The following ASTN2 variants were observed in gnomAD, a reference collection of about 807,000 sequenced individuals.
The protein encoded by ASTN2 is astrotactin-2.
In ASTN2, 54 loss-of-function variants were observed where a neutral mutation model predicts 139.8. The ratio of observed to expected loss-of-function variants is 0.39; its 90% CI spans 0.31 to 0.48. ASTN2 has a LOEUF of 0.48. Among genes scored for constraint, ASTN2 ranks in the 20% least tolerant of loss-of-function variants. The pLI, the probability that ASTN2 is intolerant of heterozygous loss-of-function variation, is 0.95. For missense variants in ASTN2, 1,565 were observed against 1,725.1 expected, an observed-to-expected ratio of 0.91 and a Z score of 1.64; for synonymous variants, 756 against 719.5, an observed-to-expected ratio of 1.05 and a Z score of -0.81.
At chr9:116,794,821 G>A (rs528367699) in intron 13 of ASTN2, among the ~76,000 whole-genome samples, 2 of 152,302 alleles carry the variant, frequency 1.3e-5, no homozygotes, top group East Asian at 3.9e-4. Context: ...GTGATAATAG[G>A]GGAAGAAAAT....
intron 20 of ASTN2, among the ~76,000 whole-genome samples, chr9:116,477,756 C>G (rs1229121956): frequency 2.0e-5 from 3 of 149,606 alleles, no homozygotes; most frequent in Non-Finnish European, 1.5e-5. Flanking sequence ...CACGGTGGCT[C>G]ACGCCTGTAA....
intron 19 of ASTN2, among the ~76,000 whole-genome samples, chr9:116,587,192 C>T (rs975285801): frequency 3.3e-5 from 5 of 151,720 alleles, no homozygotes; most frequent in African/African-American, 1.2e-4. Flanking sequence ...AATACAAAAA[C>T]TAGCTGGGTG....
chr9:116,731,580 C>G (rs1828786150), intron 14 of ASTN2, among the ~76,000 whole-genome samples: 1 of 152,002 alleles, frequency 6.6e-6, no homozygotes. Flanking sequence ...CCACCACCAC[C>G]CCTGGCTAAT....
At chr9:117,174,272 A>G (rs1055374683) in intron 3 of ASTN2, among the ~76,000 whole-genome samples, 2 of 151,990 alleles carry the variant, frequency 1.3e-5, no homozygotes, top group African/African-American at 2.4e-5. Context: ...AACAAATAAT[A>G]TTAAACAACA....
intron 10 of ASTN2, among the ~76,000 whole-genome samples, chr9:116,881,884 T>C (rs1305953935): frequency 1.3e-5 from 2 of 152,206 alleles, no homozygotes; most frequent in Admixed American, 6.5e-5. Context: ...ATAAGAACTA[T>C]TTGATGTTTC....
At chr9:116,495,408 AG>A (rs1186503112) in intron 19 of ASTN2, among the ~76,000 whole-genome samples, 1 of 152,174 alleles carries the variant, frequency 6.6e-6, no homozygotes, top group Non-Finnish European at 1.5e-5. Flanking sequence ...TTCATGTCAA[AG>A]GTCAAAAAGA....
chr9:117,304,998 T>C (rs1305658522), intron 1 of ASTN2, among the ~76,000 whole-genome samples: 1 of 152,240 alleles, frequency 6.6e-6, no homozygotes, highest in East Asian at 1.9e-4. Context: ...GCCTGAATTA[T>C]GACAGATCAA....
At chr9:116,490,271 G>GAAAA in intron 19 of ASTN2, among the ~76,000 whole-genome samples, 1 of 2,316 alleles carries the variant, frequency 4.3e-4, no homozygotes, top group Non-Finnish European at 9.0e-4. Flanking sequence ...GTGATAAAAA[G>GAAAA]TAAAAAAAAA....
At chr9:117,326,692 C>T (rs1342510576) in intron 1 of ASTN2, among the ~76,000 whole-genome samples, 1 of 152,072 alleles carries the variant, frequency 6.6e-6, no homozygotes, top group Admixed American at 6.6e-5. Context: ...CACTAAGCAG[C>T]TAGGAAACTG....
At chr9:117,228,876 A>C (rs1028488004) in intron 2 of ASTN2, among the ~76,000 whole-genome samples, 1 of 151,998 alleles carries the variant, frequency 6.6e-6, no homozygotes, top group Admixed American at 6.6e-5. Flanking sequence ...TTAGCCAGGC[A>C]TGGTGGCACG....
intron 1 of ASTN2, among the ~76,000 whole-genome samples, chr9:117,297,794 C>T (rs569436294): frequency 6.6e-6 from 1 of 152,196 alleles, no homozygotes; most frequent in Admixed American, 6.5e-5. Flanking sequence ...CCAGCCACTG[C>T]CAATGCACAA....
intron 5 of ASTN2, among the ~76,000 whole-genome samples, chr9:117,061,266 C>A (rs1316394984): frequency 1.4e-5 from 2 of 143,952 alleles, no homozygotes; most frequent in Non-Finnish European, 3.1e-5. Context: ...GTGGCCAGCA[C>A]TCAATGATGA....
intron 19 of ASTN2, chr9:116,579,062 A>C (rs958543871): frequency 9.9e-5 from 15 of 152,050 alleles, no homozygotes; most frequent in Admixed American, 2.0e-4. Context: ...GAAAAAAAAA[A>C]GGTAAGGCAC....
chr9:116,782,359 T>C (rs755343382), intron 13 of ASTN2, among the ~76,000 whole-genome samples: 2 of 152,176 alleles, frequency 1.3e-5, no homozygotes, highest in Non-Finnish European at 2.9e-5. Context: ...AATATTAACA[T>C]AACTTTGTTG....
chr9:117,084,689 C>T (rs958427294), intron 5 of ASTN2, among the ~76,000 whole-genome samples: 3 of 152,166 alleles, frequency 2.0e-5, no homozygotes, highest in African/African-American at 7.2e-5. Flanking sequence ...TATCTAAGTT[C>T]CAGGCTTGGG....
At chr9:117,088,954 C>A (rs1828635824) in intron 5 of ASTN2, among the ~76,000 whole-genome samples, 1 of 152,172 alleles carries the variant, frequency 6.6e-6, no homozygotes, top group Non-Finnish European at 1.5e-5. Context: ...GCTGGGCAAA[C>A]CACCTGCACT....
rs1162274387 is a variant in ASTN2, at chr9:117,225,555, A to G, written c.631-10813T>C. On this transcript the variant is annotated intron_variant, in intron 2 of 22. Coordinates refer to ENST00000313400, the MANE Select transcript of ASTN2 (RefSeq NM_001365068.1). ...TGTATGTATATATATATATATATATATATATATATATATATATATACAGAT... is the reference window on the plus strand; with the variant it reads ...TGTATGTATATATATATATATATATGTATATATATATATATATATACAGAT... Among the ~76,000 whole-genome samples, 288 of 103,090 alleles carry G rather than the reference A, an allele frequency of 2.8e-3. 39 individuals are homozygous for G. The highest frequency in any genetic ancestry group is 7.9e-3 in the South Asian group (25 of 3,162). The allele number at this position is 103,090 out of a possible 152,430, so 67.6% of individuals were successfully genotyped here.
At chr9:116,521,993 A>G (rs756471233) in intron 19 of ASTN2, among the ~76,000 whole-genome samples, 16 of 152,168 alleles carry the variant, frequency 1.1e-4, no homozygotes, top group Non-Finnish European at 1.8e-4. Context: ...GAATGGCCAT[A>G]ATAAAAAAAA....
intron 2 of ASTN2, among the ~76,000 whole-genome samples, chr9:117,261,945 C>T (rs900023515): frequency 6.6e-6 from 1 of 152,150 alleles, no homozygotes; most frequent in Non-Finnish European, 1.5e-5. Flanking sequence ...TATTAAGAAG[C>T]ATCTTTAAAA....
Sources: allele counts gnomAD v4.1 joint callset (sites outside exome capture counted in the v4.1 genomes callset), GRCh38; gene constraint gnomAD v4.1.1; transcripts MANE v1.5; gene names NCBI Gene and HGNC (gene_info 2026-07-23, HGNC 2026-07-21).